RALGAPA1: variants seen among roughly 807,000 people sequenced by gnomAD.
RALGAPA1 encodes the protein ral GTPase-activating protein subunit alpha-1.
RALGAPA1 carries 52 observed loss-of-function variants against 269.6 expected under a neutral mutation model. The observed-to-expected ratio is 0.19, with a 90% CI of 0.15 to 0.24. RALGAPA1 has a LOEUF of 0.24. Ranked by LOEUF, RALGAPA1 falls within the 10% of genes least tolerant of loss-of-function variation. The pLI is 1.00. For missense variants in RALGAPA1, 1,917 were observed against 3,013.9 expected, an observed-to-expected ratio of 0.64 and a Z score of 8.52; for synonymous variants, 817 against 1,008.3, an observed-to-expected ratio of 0.81 and a Z score of 3.60.
In RALGAPA1 at chr14:35,627,228, T is replaced by C; in HGVS notation, c.6719A>G (p.Glu2240Gly). The C allele has an allele frequency of 2.5e-6, 4 of 1,603,456 alleles. No homozygotes were observed. Among genetic ancestry groups the C allele is most frequent in the Non-Finnish European group, 3.4e-6 (4 of 1,177,590 alleles). The part of the protein sequence containing the change: ...AILKQHTEEK[E>G]FVEKHFNDLN... Reference sequence around the variant, plus strand: ...GTCATTAAAGTGCTTCTCAACAAATTCTTTTTCTTCTGTATGTTGCTTAAG... The same window carrying C: ...GTCATTAAAGTGCTTCTCAACAAATCCTTTTTCTTCTGTATGTTGCTTAAG... Residue 2240 changes from glutamate to glycine, a missense_variant, in exon 34 of 42, where the codon GAA becomes GGA. Coordinates refer to ENST00000680220, the MANE Select transcript of RALGAPA1 (RefSeq NM_001346249.2).
chr14:35,687,413 A>G (rs1045733305), intron 18 of RALGAPA1, among the ~76,000 whole-genome samples: 20 of 152,182 alleles, frequency 1.3e-4, no homozygotes, highest in South Asian at 2.1e-4. Flanking sequence ...AATAAACTAC[A>G]AAGTATTTCA....
rs2061092338 is a variant in RALGAPA1, at chr14:35,627,930, C to T, written c.6017G>A (p.Gly2006Glu). 2 of 1,542,054 alleles carry T rather than the reference C, an allele frequency of 1.3e-6. No homozygotes were observed. Among genetic ancestry groups the T allele is most frequent in the Admixed American group, 2.1e-5 (1 of 47,560 alleles). The change falls in exon 34 of 42, where the codon GGA becomes GAA. Residue 2006 changes from glycine (G) to glutamate (E), a missense_variant. This residue lies in a region of RALGAPA1 where 346 missense variants were observed against 566.1 expected (regional missense o/e 0.61). Coordinates refer to ENST00000680220, the MANE Select transcript of RALGAPA1 (RefSeq NM_001346249.2). ...AGTGCGGGCTGCTATAGAGATTAATCCATGCTGCATTTGAGTTTTCACTGG... is the reference window on the plus strand; with the variant it reads ...AGTGCGGGCTGCTATAGAGATTAATTCATGCTGCATTTGAGTTTTCACTGG... Reference protein sequence around the residue: ...VTEVKTQMQHGLISIAARTVI... With the variant: ...VTEVKTQMQHELISIAARTVI...
At chr14:35,624,976 G>C (rs1371900013) in intron 35 of RALGAPA1, among the ~76,000 whole-genome samples, 1 of 151,908 alleles carries the variant, frequency 6.6e-6, no homozygotes, top group South Asian at 2.1e-4. Context: ...AGATCACAAG[G>C]TCAGGAGATC....
At chr14:35,676,911 G>GT (rs1053907322) in intron 22 of RALGAPA1, 2 of 152,172 alleles carry the variant, frequency 1.3e-5, no homozygotes, top group African/African-American at 4.8e-5. Flanking sequence ...TATAACTGAA[G>GT]TTTTTTTCCA....
At chr14:35,761,241 T>G (rs148415253) in intron 5 of RALGAPA1, among the ~76,000 whole-genome samples, 26 of 152,296 alleles carry the variant, frequency 1.7e-4, no homozygotes, top group African/African-American at 4.8e-4. Flanking sequence ...TTTAAAGCCA[T>G]CAGGTAATTT....
chr14:35,684,084 G>A (rs1359350548), intron 20 of RALGAPA1, 99 bp from the exon 21 acceptor site: 4 of 848,806 alleles, frequency 4.7e-6, no homozygotes, highest in African/African-American at 1.7e-5. Context: ...AACATTCCCC[G>A]TACATCTATT....
At chr14:35,547,407 G>A (rs775924869) in intron 41 of RALGAPA1, among the ~76,000 whole-genome samples, 34 of 152,072 alleles carry the variant, frequency 2.2e-4, no homozygotes, top group Middle Eastern at 3.2e-3. Context: ...AAATACGAAA[G>A]AGTACAGCTG....
intron 37 of RALGAPA1, among the ~76,000 whole-genome samples, chr14:35,590,707 A>ATG (rs2058581739): frequency 6.6e-6 from 1 of 152,210 alleles, no homozygotes; most frequent in African/African-American, 2.4e-5. Context: ...CTTTATAGCA[A>ATG]TGTGAAAACA....
At chr14:35,560,996 G>A (rs537088658) in intron 39 of RALGAPA1, among the ~76,000 whole-genome samples, 15 of 152,074 alleles carry the variant, frequency 9.9e-5, no homozygotes, top group East Asian at 3.9e-4. Flanking sequence ...TTGGGAGGCC[G>A]AGGCAGATGG....
intron 29 of RALGAPA1, among the ~76,000 whole-genome samples, chr14:35,654,715 T>C (rs1473667999): frequency 6.6e-6 from 1 of 152,218 alleles, no homozygotes; most frequent in Admixed American, 6.5e-5. Flanking sequence ...TTGTTGCATT[T>C]TCTCTTATGT....
chr14:35,636,466 A>G (rs573589107), intron 31 of RALGAPA1, among the ~76,000 whole-genome samples: 14 of 152,336 alleles, frequency 9.2e-5, no homozygotes, highest in African/African-American at 3.4e-4. Flanking sequence ...ACCTCACAAA[A>G]CAACAGCTTC....
intron 20 of RALGAPA1, 147 bp downstream of exon 20, chr14:35,684,782 C>T: frequency 2.5e-6 from 2 of 794,768 alleles, no homozygotes; most frequent in Non-Finnish European, 3.9e-6. Context: ...ATAGCAAGAC[C>T]AAATATCTAA....
At chr14:35,719,274 T>C (rs1057121749) in intron 16 of RALGAPA1, among the ~76,000 whole-genome samples, 3 of 152,068 alleles carry the variant, frequency 2.0e-5, no homozygotes, top group Non-Finnish European at 4.4e-5. Context: ...TACAGTGAGC[T>C]GGGATTGCAC....
intron 39 of RALGAPA1, among the ~76,000 whole-genome samples, chr14:35,563,402 T>C (rs776365581): frequency 2.0e-5 from 3 of 152,080 alleles, no homozygotes; most frequent in Non-Finnish European, 4.4e-5. Flanking sequence ...ATAATGAATA[T>C]GACTTAGCTG....
intron 1 of RALGAPA1, among the ~76,000 whole-genome samples, chr14:35,796,079 G>A (rs1398502762): frequency 6.6e-6 from 1 of 152,148 alleles, no homozygotes; most frequent in East Asian, 1.9e-4. Flanking sequence ...GATAAGAAAA[G>A]AGGATGATCA....
At chr14:35,647,662 G>C (rs2062524670) in intron 31 of RALGAPA1, among the ~76,000 whole-genome samples, 1 of 152,142 alleles carries the variant, frequency 6.6e-6, no homozygotes, top group African/African-American at 2.4e-5. Context: ...TAATTATAAA[G>C]AGGTTTAAGG....
Position 35,674,295 on chromosome 14 carries a change from A to G in RALGAPA1, c.4819-17T>C. On this transcript the variant is annotated splice_polypyrimidine_tract_variant and intron_variant, in intron 23 of 41. Transcript: ENST00000680220. Reference sequence around the variant, plus strand: ...ATCTCTAATCTGTAATTTTCAAATAAAAAGCAACAAACCTAAGAAAACTGT... The same window carrying G: ...ATCTCTAATCTGTAATTTTCAAATAGAAAGCAACAAACCTAAGAAAACTGT... The G allele has an allele frequency of 6.3e-7, 1 of 1,580,694 alleles. No homozygotes were observed. Among genetic ancestry groups the G allele is most frequent in the Non-Finnish European group, 8.6e-7 (1 of 1,156,748 alleles).
chr14:35,552,313 C>A lies in RALGAPA1; in HGVS notation c.7497-3079G>T, dbSNP rs115328500. The stretch of plus-strand genomic sequence containing the variant: ...AAGTTCCAAACAGTGCTGTTAGAAT[C>A]TGCAATTGTAATCATCCAAAGCAGT... On this transcript the variant is annotated intron_variant, in intron 39 of 41. Coordinates refer to ENST00000680220, the MANE Select transcript of RALGAPA1 (RefSeq NM_001346249.2). 5.2e-3 allele frequency among the ~76,000 whole-genome samples: 798 copies of A among 152,226 alleles called. 1 individual carries two copies. The highest frequency in any genetic ancestry group is 0.018 in the African/African-American group (730 of 41,524).
chr14:35,806,459 A>G (rs916256174), intron 1 of RALGAPA1, among the ~76,000 whole-genome samples: 3 of 152,240 alleles, frequency 2.0e-5, no homozygotes, highest in Admixed American at 1.3e-4. Flanking sequence ...ATGCAACAGT[A>G]TCAATAAACA....
Sources: gnomAD v4.1 joint callset for allele counts (sites outside exome capture counted in the v4.1 genomes callset) on GRCh38, gnomAD v4.1.1 for gene constraint, gnomAD v4.1.1 regional missense constraint, MANE v1.5 for transcripts, NCBI Gene and HGNC (gene_info 2026-07-23, HGNC 2026-07-21) for gene names.